The following DEPDC5 variants were observed in gnomAD, a reference collection of about 807,000 sequenced individuals.
The protein encoded by DEPDC5 is DEP domain containing 5, GATOR1 subcomplex subunit.
DEPDC5 carries 73 observed loss-of-function variants against 217.3 expected under a neutral mutation model. The ratio of observed to expected loss-of-function variants is 0.34; its 90% CI spans 0.28 to 0.41. The LOEUF is 0.41. Ranked by LOEUF, DEPDC5 falls within the 10% of genes least tolerant of loss-of-function variation. DEPDC5 has a pLI of 1.00. For missense variants in DEPDC5, 1,675 were observed against 2,070.1 expected (o/e 0.81, Z 3.70); for synonymous variants, 733 against 756.7 (o/e 0.97, Z 0.51).
chr22:31,837,315 T>A (rs944886283), intron 26 of DEPDC5, 160 bp downstream of exon 26: 27 of 709,366 alleles, frequency 3.8e-5, no homozygotes, highest in Middle Eastern at 3.2e-4. Flanking sequence ...TAAAAAATTT[T>A]AAAAAAACAT....
chr22:31,802,124 A>ATTTTTTT (rs761007210), intron 14 of DEPDC5, among the ~76,000 whole-genome samples: 1 of 126,900 alleles, frequency 7.9e-6, no homozygotes, highest in African/African-American at 2.9e-5. Context: ...AACAGCATGA[A>ATTTTTTT]TTTTTTTTTT....
intron 12 of DEPDC5, among the ~76,000 whole-genome samples, chr22:31,794,125 A>T (rs2085984255): frequency 6.6e-6 from 1 of 152,210 alleles, no homozygotes; most frequent in Non-Finnish European, 1.5e-5. Flanking sequence ...TCTAGTTCAG[A>T]GTCGATGCTT....
intron 33 of DEPDC5, among the ~76,000 whole-genome samples, chr22:31,865,307 C>T (rs1317036382): frequency 6.6e-6 from 1 of 152,130 alleles, no homozygotes; most frequent in Non-Finnish European, 1.5e-5. Flanking sequence ...GCCTGGGCAA[C>T]ACAGTGAGAC....
At chr22:31,819,699 G>C (rs1007037939) in intron 22 of DEPDC5, among the ~76,000 whole-genome samples, 1 of 151,904 alleles carries the variant, frequency 6.6e-6, no homozygotes, top group Non-Finnish European at 1.5e-5. Flanking sequence ...TGAACTCCTG[G>C]ACACAAGCAA....
At chr22:31,896,478 A>G (rs1205788295) in intron 39 of DEPDC5, among the ~76,000 whole-genome samples, 1 of 152,116 alleles carries the variant, frequency 6.6e-6, no homozygotes, top group Non-Finnish European at 1.5e-5. Flanking sequence ...TGGAAATAAT[A>G]CTTGACACAA....
chr22:31,769,067 T>C (rs1007760554), intron 7 of DEPDC5: 8 of 416,804 alleles, frequency 1.9e-5, no homozygotes, highest in African/African-American at 1.2e-4. Context: ...AGGACCATAC[T>C]GGCTAACACG....
intron 10 of DEPDC5, among the ~76,000 whole-genome samples, chr22:31,786,072 C>G (rs118013434): frequency 3.4e-4 from 52 of 151,994 alleles, no homozygotes; most frequent in South Asian, 6.2e-4. Flanking sequence ...GTCTGGCCAA[C>G]GTCATGAAAC....
rs780294726 is a variant in DEPDC5, at chr22:31,906,312, C to T, written c.4627C>T (p.Arg1543Trp). ...CAACCAGAACATGTTCTGCGAGGAG[C>T]GGGTCGGCTACAACTGGGCCTACAA... ...STNQNMFCEE[R>W]VGYNWAYNTM... The change falls in exon 43 of 43, where the codon CGG becomes TGG. Residue 1543 changes from arginine to tryptophan, a missense_variant. By Grantham distance (101) the Arg-to-Trp change is moderately radical. Coordinates refer to ENST00000651528, the MANE Select transcript of DEPDC5 (RefSeq NM_001242896.3). The surrounding 1 kb of genome is among the most constrained non-coding windows in gnomAD (Gnocchi z 5.1). 11 of 1,613,976 alleles carry T rather than the reference C, an allele frequency of 6.8e-6. No homozygotes were observed. The highest frequency in any genetic ancestry group is 9.3e-6 in the Non-Finnish European group (11 of 1,179,934).
At chr22:31,853,894 G>A (rs1433177813) in intron 31 of DEPDC5, among the ~76,000 whole-genome samples, 2 of 152,200 alleles carry the variant, frequency 1.3e-5, no homozygotes, top group Non-Finnish European at 2.9e-5. Context: ...GTCTTACTCA[G>A]GCCTTTCTGG....
At chr22:31,831,858 A>C (rs1187878120) in intron 24 of DEPDC5, among the ~76,000 whole-genome samples, 2 of 151,774 alleles carry the variant, frequency 1.3e-5, no homozygotes, top group African/African-American at 4.8e-5. Context: ...TTGTATACCC[A>C]CAAACAAACA....
chr22:31,792,671 C>T, intron 11 of DEPDC5, 74 bp from the exon 12 acceptor site: 1 of 894,828 alleles, frequency 1.1e-6, no homozygotes, highest in African/African-American at 1.9e-5. Context: ...AAATCTTTAA[C>T]CCAGAAGAGG....
At chr22:31,895,674 A>G (rs1263307303) in intron 39 of DEPDC5, among the ~76,000 whole-genome samples, 1 of 152,066 alleles carries the variant, frequency 6.6e-6, no homozygotes, top group Non-Finnish European at 1.5e-5. Context: ...AAGAGAAATG[A>G]GTACAGCATG....
rs200848271 is a variant in DEPDC5, at chr22:31,879,655, C to T, written c.3936C>T (p.Leu1312=). ...TGCACTCTGAGATTCCTGCCTTTCT[C>T]CTGCCCTGGCTGCCTAGCCGGCCAG... ...ELVHSEIPAF[L]LPWLPSRPAS... Residue 1312 remains leucine, a synonymous_variant, in exon 38 of 43, where the codon CTC becomes CTT. Coordinates refer to ENST00000651528, the MANE Select transcript of DEPDC5 (RefSeq NM_001242896.3). 28 of 1,614,140 alleles carry T rather than the reference C, an allele frequency of 1.7e-5. No homozygotes were observed. Among genetic ancestry groups the T allele is most frequent in the Non-Finnish European group, 2.1e-5 (25 of 1,180,034 alleles).
At chr22:31,861,545 A>C in intron 33 of DEPDC5, 112 bp downstream of exon 33, 1 of 1,131,382 alleles carries the variant, frequency 8.8e-7, no homozygotes, top group South Asian at 1.3e-5. Context: ...TTTGGGGGGC[A>C]GTTGAACTTG....
At chr22:31,805,463 T>G (rs771754603) in intron 17 of DEPDC5, among the ~76,000 whole-genome samples, 7 of 152,150 alleles carry the variant, frequency 4.6e-5, no homozygotes, top group Admixed American at 2.0e-4. Context: ...TCTTCAGTGC[T>G]TCCAGAGCAT....
intron 14 of DEPDC5, among the ~76,000 whole-genome samples, chr22:31,799,665 C>G (rs969270477): frequency 3.6e-4 from 55 of 150,718 alleles, no homozygotes; most frequent in Admixed American, 6.6e-5. Flanking sequence ...CCATGCCCGG[C>G]TAATTTTTGT....
In DEPDC5 at chr22:31,846,843, G is replaced by A. The variant is rs764941727; in HGVS notation, c.3031G>A (p.Ala1011Thr). 1.4e-5 allele frequency: 22 copies of A among 1,614,058 alleles called. No homozygotes were observed. The highest frequency in any genetic ancestry group is 1.3e-4 in the African/African-American group (10 of 74,928). ...RSDRMMRKGTAMKGLQMTGPI... is the reference protein window; with the variant it reads ...RSDRMMRKGTTMKGLQMTGPI... ...CTCTTCTCTGCTTTAGAAAGGGACC[G>A]CCATGAAAGGCTTGCAGATGACTGG... Residue 1011 changes from alanine (A) to threonine (T), a missense_variant, in exon 31 of 43, where the codon GCC becomes ACC. Physicochemically the swap from Ala to Thr is moderately conservative, Grantham distance 58. Transcript: ENST00000651528.
intron 6 of DEPDC5, among the ~76,000 whole-genome samples, chr22:31,768,023 G>A (rs1459185783): frequency 6.6e-6 from 1 of 151,676 alleles, no homozygotes; most frequent in African/African-American, 2.4e-5. Context: ...GGGATTACAG[G>A]TGTGAGCCAG....
chr22:31,889,840 G>C (rs561951435), intron 38 of DEPDC5, among the ~76,000 whole-genome samples: 1 of 152,148 alleles, frequency 6.6e-6, no homozygotes, highest in East Asian at 1.9e-4. Context: ...TTTGATTTTG[G>C]CTAAGTAAAG....
Sources: gnomAD v4.1 joint callset for allele counts (sites outside exome capture counted in the v4.1 genomes callset) on GRCh38, gnomAD v4.1.1 for gene constraint, Gnocchi (gnomAD v3.1) non-coding constraint, MANE v1.5 for transcripts, NCBI Gene and HGNC (gene_info 2026-07-23, HGNC 2026-07-21) for gene names.